MBD5: variants seen among roughly 807,000 people sequenced by gnomAD.
The protein encoded by MBD5 is methyl-CpG binding domain protein 5.
MBD5 carries 13 observed loss-of-function variants against 117.3 expected under a neutral mutation model. The observed-to-expected ratio is 0.11, with a 90% CI of 0.07 to 0.18. The LOEUF (loss-of-function observed/expected upper bound fraction) is 0.18, where lower values mean the gene tolerates loss of function less well. Ranked by LOEUF, MBD5 falls within the 10% of genes least tolerant of loss-of-function variation. MBD5 has a pLI of 1.00. For synonymous variants in MBD5, 727 were observed against 766.4 expected, an observed-to-expected ratio of 0.95 and a Z score of 0.85; for missense variants, 1,879 against 2,093.8, an observed-to-expected ratio of 0.90 and a Z score of 2.00.
At chr2:148,297,175 C>T (rs1025524063) in intron 3 of MBD5, among the ~76,000 whole-genome samples, 1 of 152,066 alleles carries the variant, frequency 6.6e-6, no homozygotes, top group Non-Finnish European at 1.5e-5. Flanking sequence ...CATGAGTTAC[C>T]GTGTCTGGCC....
intron 2 of MBD5, among the ~76,000 whole-genome samples, chr2:148,206,133 AAAAAT>A (rs951305953): frequency 2.6e-5 from 4 of 151,958 alleles, no homozygotes; most frequent in Admixed American, 6.6e-5. Flanking sequence ...CAAAAAAAAA[AAAAAT>A]AGAGAGACAC....
At chr2:148,427,156 G>A (rs1705821470) in intron 4 of MBD5, among the ~76,000 whole-genome samples, 2 of 152,094 alleles carry the variant, frequency 1.3e-5, no homozygotes, top group African/African-American at 4.8e-5. Flanking sequence ...GAAACAACAG[G>A]TGCTGGAGAG....
intron 1 of MBD5, among the ~76,000 whole-genome samples, chr2:148,132,592 A>G (rs536607017): frequency 1.3e-5 from 2 of 152,236 alleles, no homozygotes; most frequent in South Asian, 4.1e-4. Context: ...AAAAATAGCT[A>G]ACTGCTTTGC....
chr2:148,433,598 T>C (rs1175490308), intron 4 of MBD5, among the ~76,000 whole-genome samples: 1 of 152,202 alleles, frequency 6.6e-6, no homozygotes, highest in African/African-American at 2.4e-5. Context: ...TCTGCATCTA[T>C]TGAGATGATC....
chr2:148,264,606 A>G (rs1289484561), intron 3 of MBD5: 1 of 152,228 alleles, frequency 6.6e-6, no homozygotes, highest in Non-Finnish European at 1.5e-5. Context: ...TGTCTAAAGC[A>G]GAAAAGGAAT....
At chr2:148,390,961 A>G (rs1223932013) in intron 4 of MBD5, among the ~76,000 whole-genome samples, 1 of 152,144 alleles carries the variant, frequency 6.6e-6, no homozygotes, top group East Asian at 1.9e-4. Context: ...TCCCTTTTGG[A>G]ATTTCTTTCC....
intron 4 of MBD5, among the ~76,000 whole-genome samples, chr2:148,411,512 CTTTTTTTT>C (rs1188326755): frequency 2.1e-5 from 2 of 97,446 alleles, no homozygotes; most frequent in South Asian, 3.6e-4. Context: ...AGCATCTGTT[CTTTTTTTT>C]TTTTTTTTTT....
chr2:148,267,948 T>C (rs969688744), intron 3 of MBD5, among the ~76,000 whole-genome samples: 2 of 147,952 alleles, frequency 1.4e-5, no homozygotes, highest in Middle Eastern at 3.3e-3. Flanking sequence ...CTTTTCTTTT[T>C]TTTCTTTTTT....
chr2:148,137,660 G>T (rs1042700137), intron 1 of MBD5, among the ~76,000 whole-genome samples: 3 of 152,170 alleles, frequency 2.0e-5, no homozygotes, highest in African/African-American at 7.2e-5. Context: ...TACCTCATAG[G>T]ATGTGATGGA....
At chr2:148,146,498 A>C (rs1697469626) in intron 1 of MBD5, among the ~76,000 whole-genome samples, 1 of 151,866 alleles carries the variant, frequency 6.6e-6, no homozygotes, top group African/African-American at 2.4e-5. Flanking sequence ...CAGCCTCCCA[A>C]AGTGTTAGGA....
intron 3 of MBD5, among the ~76,000 whole-genome samples, chr2:148,274,692 C>G (rs1277648812): frequency 6.6e-6 from 1 of 151,022 alleles, no homozygotes; most frequent in Non-Finnish European, 1.5e-5. Context: ...GTTACAAAAA[C>G]CTTTTACACT....
intron 2 of MBD5, among the ~76,000 whole-genome samples, chr2:148,228,514 A>G (rs896456552): frequency 1.2e-4 from 19 of 152,296 alleles, no homozygotes; most frequent in Middle Eastern, 3.4e-3. Flanking sequence ...TTGGTTTGCC[A>G]GTATTTTATT....
At chr2:148,329,351 G>T (rs1309051259) in intron 3 of MBD5, among the ~76,000 whole-genome samples, 1 of 152,134 alleles carries the variant, frequency 6.6e-6, no homozygotes, top group Non-Finnish European at 1.5e-5. Context: ...CTTTTTTAAA[G>T]GCTGTGAGCT....
At chr2:148,223,798 T>C (rs1699750342) in intron 2 of MBD5, among the ~76,000 whole-genome samples, 1 of 152,184 alleles carries the variant, frequency 6.6e-6, no homozygotes, top group African/African-American at 2.4e-5. Flanking sequence ...TTCTAGTTCT[T>C]TAAGATGAAT....
chr2:148,463,579 GTACT>G (rs1707165361), intron 6 of MBD5, among the ~76,000 whole-genome samples, 156 bp from the exon 7 acceptor site: 1 of 152,136 alleles, frequency 6.6e-6, no homozygotes, highest in Non-Finnish European at 1.5e-5. Flanking sequence ...TTCAGCAGAA[GTACT>G]TACTAAGTTA....
intron 3 of MBD5, among the ~76,000 whole-genome samples, chr2:148,290,147 A>G (rs1701468530): frequency 6.8e-6 from 1 of 146,468 alleles, no homozygotes; most frequent in African/African-American, 2.5e-5. Context: ...TAGTAGAGAC[A>G]GTGTTTCACC....
chr2:148,046,306 G>A (rs1156442305), intron 1 of MBD5, among the ~76,000 whole-genome samples: 1 of 152,100 alleles, frequency 6.6e-6, no homozygotes, highest in Admixed American at 6.5e-5. Flanking sequence ...TTATACACTA[G>A]TGATGTTATG....
chr2:148,463,661 CT>C (rs1416352368), intron 6 of MBD5, 77 bp from the exon 7 acceptor site: 539 of 1,519,618 alleles, frequency 3.5e-4, no homozygotes, highest in Non-Finnish European at 4.1e-4. Flanking sequence ...CTATGCACAA[CT>C]TTTTTTTTAA....
chr2:148,458,842 T>C lies in MBD5; in HGVS notation c.84T>C (p.Arg28=), dbSNP rs1413139237. The C allele has an allele frequency of 6.2e-7, 1 of 1,613,588 alleles. No homozygotes were observed. Among genetic ancestry groups the C allele is most frequent in the Non-Finnish European group, 8.5e-7 (1 of 1,179,650 alleles). The change falls in exon 5 of 14, where the codon CGT becomes CGC. Residue 28 remains arginine (R), a synonymous_variant. Coordinates refer to ENST00000642680, the MANE Select transcript of MBD5 (RefSeq NM_001378120.1). ...AAGTTCCTGTGGGTTGGCAGCGTCG[T>C]GTGGATCAAAATGGAGTGCTTTATG... ...AIQVPVGWQR[R]VDQNGVLYVS...
Sources: allele counts gnomAD v4.1 joint callset (sites outside exome capture counted in the v4.1 genomes callset), GRCh38; gene constraint gnomAD v4.1.1; transcripts MANE v1.5; gene names NCBI Gene and HGNC (gene_info 2026-07-23, HGNC 2026-07-21).